The following PCTP variants were observed in gnomAD, a reference collection of about 807,000 sequenced individuals.
PCTP encodes the protein phosphatidylcholine transfer protein.
Under a neutral mutation model 31.0 loss-of-function variants are expected in PCTP, and 27 were observed. The observed-to-expected ratio is 0.87, with a 90% confidence interval of 0.64 to 1.20. PCTP has a LOEUF of 1.20. PCTP is among the 50% of genes most tolerant of loss of function. The pLI is 0.00. For synonymous variants in PCTP, 108 were observed against 101.2 expected (o/e 1.07, Z -0.40); for missense variants, 287 against 268.2 (o/e 1.07, Z -0.49).
At chr17:55,833,159 G>T (rs570982320) in intron 5 of PCTP, among the ~76,000 whole-genome samples, 8 of 152,280 alleles carry the variant, frequency 5.3e-5, no homozygotes, top group African/African-American at 1.9e-4. Context: ...CATCATAGAT[G>T]TGAGGATATT....
chr17:55,840,993 G>A (rs151317915), intron 5 of PCTP, among the ~76,000 whole-genome samples: 1 of 152,270 alleles, frequency 6.6e-6, no homozygotes, highest in East Asian at 1.9e-4. Flanking sequence ...AGGGTTTAAC[G>A]CTATCTGCAG....
chr17:55,784,370 C>A (rs961098350), intron 2 of PCTP, among the ~76,000 whole-genome samples: 1 of 152,200 alleles, frequency 6.6e-6, no homozygotes, highest in African/African-American at 2.4e-5. Context: ...CACCATATTT[C>A]TTCCCATCCC....
chr17:55,830,612 CT>C lies in PCTP; in HGVS notation n.505+7686del, dbSNP rs530791402. Among the ~76,000 whole-genome samples the C allele has an allele frequency of 1.1e-4, 16 of 152,332 alleles. No individual in the cohort carries two copies. The South Asian group carries it at 3.3e-3, about 32-fold the overall frequency. The stretch of plus-strand genomic sequence containing the variant: ...GGTTTCCTTTCCACCACTGGAACAA[CT>C]GCTTTTATTTTTTAATAATCTGAGG... On this transcript the variant is annotated intron_variant and non_coding_transcript_variant, in intron 5 of 5. Transcript: ENST00000576221.
chr17:55,841,569 T>C (rs1905982652), intron 5 of PCTP, among the ~76,000 whole-genome samples: 1 of 152,206 alleles, frequency 6.6e-6, no homozygotes, highest in South Asian at 2.1e-4. Flanking sequence ...TTTACCTCTT[T>C]AATGCCACGG....
intron 1 of PCTP, among the ~76,000 whole-genome samples, chr17:55,760,191 A>G (rs539211443): frequency 6.6e-6 from 1 of 152,302 alleles, no homozygotes; most frequent in South Asian, 2.1e-4. Context: ...TCACAGGATT[A>G]TTGCAAGTAT....
At chr17:55,823,433 G>A (rs561229939), downstream of PCTP, among the ~76,000 whole-genome samples, 1 of 152,262 alleles carries the variant, frequency 6.6e-6, no homozygotes, top group South Asian at 2.1e-4. Context: ...AAAAAGTAGC[G>A]ACTGGGAAGT....
intron 1 of PCTP, among the ~76,000 whole-genome samples, chr17:55,752,592 C>T (rs1235314183): frequency 1.3e-5 from 2 of 152,226 alleles, no homozygotes; most frequent in Admixed American, 6.5e-5. Flanking sequence ...GTCCGTCCCT[C>T]TCCAGTTAGT....
chr17:55,758,957 C>G (rs944819205), intron 1 of PCTP, among the ~76,000 whole-genome samples: 15 of 152,186 alleles, frequency 9.9e-5, no homozygotes, highest in African/African-American at 2.9e-4. Flanking sequence ...ATGGCGATTA[C>G]AGGAGGTGGC....
chr17:55,780,467 T>TA (rs1911521831), downstream of PCTP, among the ~76,000 whole-genome samples: 1 of 152,360 alleles, frequency 6.6e-6, no homozygotes, highest in African/African-American at 2.4e-5. Flanking sequence ...CTTAAAGTAT[T>TA]ACATTTTCCT....
At chr17:55,785,401 C>T (rs1911711065) in intron 2 of PCTP, among the ~76,000 whole-genome samples, 1 of 152,232 alleles carries the variant, frequency 6.6e-6, no homozygotes, top group Non-Finnish European at 1.5e-5. Context: ...TTCAGAAGAC[C>T]TCTTGATTGC....
chr17:55,825,681 T>G (rs139488579), downstream of PCTP, among the ~76,000 whole-genome samples: 453 of 152,340 alleles, frequency 3.0e-3, 1 homozygote, highest in African/African-American at 0.011. Context: ...AAATCTTCCT[T>G]GCAACAATGA....
intron 1 of PCTP, among the ~76,000 whole-genome samples, chr17:55,758,161 G>C (rs1392488218): frequency 6.6e-6 from 1 of 152,208 alleles, no homozygotes; most frequent in Non-Finnish European, 1.5e-5. Context: ...ATGTTGGACT[G>C]AAAAGCTCTG....
downstream of PCTP, among the ~76,000 whole-genome samples, chr17:55,843,501 T>C (rs1598027080): frequency 6.6e-6 from 1 of 152,330 alleles, no homozygotes; most frequent in South Asian, 2.1e-4. Context: ...TGGTGTTTCA[T>C]GCGGCAGTGT....
At chr17:55,780,103 T>A (rs1911507645), downstream of PCTP, among the ~76,000 whole-genome samples, 1 of 152,106 alleles carries the variant, frequency 6.6e-6, no homozygotes, top group African/African-American at 2.4e-5. Flanking sequence ...TTTTTTTTTT[T>A]TTTGCTTGAG....
intron 1 of PCTP, among the ~76,000 whole-genome samples, chr17:55,755,656 C>T (rs1909974812): frequency 6.6e-6 from 1 of 152,100 alleles, no homozygotes; most frequent in Non-Finnish European, 1.5e-5. Flanking sequence ...AAAGTTTCTT[C>T]TAAGCCATGC....
chr17:55,826,359 T>C (rs1279256613), downstream of PCTP, among the ~76,000 whole-genome samples: 2 of 152,034 alleles, frequency 1.3e-5, no homozygotes, highest in African/African-American at 2.4e-5. Context: ...AGAGCAGGGT[T>C]GCCAGAAACA....
downstream of PCTP, among the ~76,000 whole-genome samples, chr17:55,843,305 T>C (rs1365421701): frequency 1.3e-5 from 2 of 152,348 alleles, no homozygotes; most frequent in Non-Finnish European, 2.9e-5. Flanking sequence ...ATGATTGCAC[T>C]GCATGAAATC....
downstream of PCTP, among the ~76,000 whole-genome samples, chr17:55,827,148 A>T (rs1259187877): frequency 6.6e-6 from 1 of 151,928 alleles, no homozygotes; most frequent in Admixed American, 6.6e-5. Flanking sequence ...ATTTCCCTGC[A>T]CTTTGAGTCT....
chr17:55,774,035 C>T, intron 4 of PCTP, 140 bp downstream of exon 4: 1 of 1,009,922 alleles, frequency 9.9e-7, no homozygotes, highest in Non-Finnish European at 1.4e-6. Flanking sequence ...AAACCAGGAT[C>T]AGCACCTAGA....
Sources: gnomAD v4.1 joint callset for allele counts (sites outside exome capture counted in the v4.1 genomes callset) on GRCh38, gnomAD v4.1.1 for gene constraint, MANE v1.5 for transcripts, NCBI Gene and HGNC (gene_info 2026-07-23, HGNC 2026-07-21) for gene names.